The following SLC9A9 variants were observed in gnomAD, a reference collection of about 807,000 sequenced individuals.
SLC9A9 encodes solute carrier family 9 member A9.
A neutral mutation model predicts 77.8 loss-of-function variants in SLC9A9; 62 were observed. That is an observed-to-expected ratio of 0.80 (90% CI 0.65 to 0.98). The LOEUF is 0.98. Ranked by LOEUF, SLC9A9 falls within the 50% of genes least tolerant of loss-of-function variation. SLC9A9 has a pLI of 0.00. For missense variants in SLC9A9, 775 were observed against 774.9 expected, an observed-to-expected ratio of 1.00 and a Z score of 0.00; for synonymous variants, 320 against 283.5, an observed-to-expected ratio of 1.13 and a Z score of -1.29.
intron 4 of SLC9A9, among the ~76,000 whole-genome samples, chr3:143,704,351 A>T (rs6794012): frequency 5.9e-5 from 9 of 151,266 alleles, no homozygotes; most frequent in African/African-American, 2.2e-4. Context: ...TGAATTCAAT[A>T]ACGCACTGAA....
At chr3:143,821,448 C>G (rs1329169860) in intron 2 of SLC9A9, among the ~76,000 whole-genome samples, 1 of 152,192 alleles carries the variant, frequency 6.6e-6, no homozygotes, top group Non-Finnish European at 1.5e-5. Context: ...ACTTTATGCA[C>G]TTCGCCATGT....
At chr3:143,520,650 CA>C (rs1210599872) in intron 9 of SLC9A9, among the ~76,000 whole-genome samples, 1 of 152,172 alleles carries the variant, frequency 6.6e-6, no homozygotes, top group Non-Finnish European at 1.5e-5. Flanking sequence ...CCTCACTTTA[CA>C]GATGAGAAAA....
chr3:143,771,054 A>C (rs2007499582), intron 4 of SLC9A9, among the ~76,000 whole-genome samples: 1 of 152,208 alleles, frequency 6.6e-6, no homozygotes, highest in African/African-American at 2.4e-5. Context: ...CAGTAAGAGA[A>C]ATGTAAGTAA....
At chr3:143,771,013 G>A (rs560579596) in intron 4 of SLC9A9, among the ~76,000 whole-genome samples, 86 of 151,472 alleles carry the variant, frequency 5.7e-4, no homozygotes, top group African/African-American at 2.1e-3. Context: ...GGAACTTAAA[G>A]TAAAATAAAA....
chr3:143,608,906 T>G (rs949447116), intron 6 of SLC9A9, among the ~76,000 whole-genome samples: 1 of 152,208 alleles, frequency 6.6e-6, no homozygotes, highest in Non-Finnish European at 1.5e-5. Flanking sequence ...AAAAAGAATC[T>G]GAGTGATGAG....
chr3:143,671,586 T>C (rs1213865624), intron 5 of SLC9A9, among the ~76,000 whole-genome samples: 1 of 152,218 alleles, frequency 6.6e-6, no homozygotes, highest in African/African-American at 2.4e-5. Context: ...TTATTTTTAT[T>C]TCTGAGTAAA....
intron 14 of SLC9A9, among the ~76,000 whole-genome samples, chr3:143,341,127 C>T (rs2032084740): frequency 6.6e-6 from 1 of 152,136 alleles, no homozygotes; most frequent in Non-Finnish European, 1.5e-5. Context: ...ATGATGAATT[C>T]CTTTCGCTGG....
chr3:143,611,195 T>A (rs551387758), intron 6 of SLC9A9, among the ~76,000 whole-genome samples: 2 of 152,162 alleles, frequency 1.3e-5, no homozygotes, highest in African/African-American at 2.4e-5. Context: ...GTTGGGGAAA[T>A]CTTCCACAAA....
At chr3:143,418,937 C>T (rs2108525849) in intron 12 of SLC9A9, among the ~76,000 whole-genome samples, 1 of 152,166 alleles carries the variant, frequency 6.6e-6, no homozygotes. Context: ...ATGATTGTGC[C>T]AACTTTTCAT....
At chr3:143,381,971 C>T in intron 13 of SLC9A9, 89 bp downstream of exon 13, 1 of 1,472,314 alleles carries the variant, frequency 6.8e-7, no homozygotes. Context: ...AGAAATAGCT[C>T]CTTGGTCACA....
At chr3:143,463,539 T>C (rs1411736454) in intron 12 of SLC9A9, among the ~76,000 whole-genome samples, 1 of 152,204 alleles carries the variant, frequency 6.6e-6, no homozygotes, top group Non-Finnish European at 1.5e-5. Context: ...GCAGAGCTAG[T>C]CCTTGGAGAC....
chr3:143,423,229 A>G (rs1210126686), intron 12 of SLC9A9, among the ~76,000 whole-genome samples: 5 of 140,904 alleles, frequency 3.5e-5, no homozygotes, highest in Admixed American at 2.2e-4. Flanking sequence ...ACACACACAC[A>G]CGTGTACACA....
intron 12 of SLC9A9, among the ~76,000 whole-genome samples, chr3:143,433,439 T>G (rs1471861361): frequency 6.6e-6 from 1 of 152,178 alleles, no homozygotes; most frequent in Non-Finnish European, 1.5e-5. Context: ...TCAAGGAGAT[T>G]CATTACCCTG....
chr3:143,841,276 T>G (rs1415411823), intron 1 of SLC9A9, among the ~76,000 whole-genome samples: 1 of 152,116 alleles, frequency 6.6e-6, no homozygotes, highest in Non-Finnish European at 1.5e-5. Context: ...ACTGCTAAGG[T>G]TTGAGACCTA....
chr3:143,297,695 T>C (rs1012407543), intron 14 of SLC9A9, among the ~76,000 whole-genome samples: 3 of 152,266 alleles, frequency 2.0e-5, no homozygotes, highest in Non-Finnish European at 4.4e-5. Flanking sequence ...TTTTATAGTT[T>C]TCAATGTATA....
chr3:143,659,120 C>G (rs893328171), intron 5 of SLC9A9, among the ~76,000 whole-genome samples: 2 of 152,116 alleles, frequency 1.3e-5, no homozygotes, highest in African/African-American at 4.8e-5. Context: ...CAAGCATTTT[C>G]CAATTAGGAT....
At chr3:143,482,146 G>A (rs1277590309) in intron 11 of SLC9A9, among the ~76,000 whole-genome samples, 1 of 152,188 alleles carries the variant, frequency 6.6e-6, no homozygotes, top group African/African-American at 2.4e-5. Context: ...AGTAGCAATG[G>A]CAGCCTTTTC....
chr3:143,444,024 C>T (rs1362601598), intron 12 of SLC9A9, among the ~76,000 whole-genome samples: 2 of 152,140 alleles, frequency 1.3e-5, no homozygotes, highest in South Asian at 2.1e-4. Flanking sequence ...CCTTCACTCC[C>T]CCACGGCCAC....
chr3:143,392,482 G>C (rs1352492565), intron 12 of SLC9A9, among the ~76,000 whole-genome samples: 1 of 152,164 alleles, frequency 6.6e-6, no homozygotes. Flanking sequence ...ACTGGTACCA[G>C]CCACTGCAAA....
Sources: gnomAD v4.1 joint callset for allele counts (sites outside exome capture counted in the v4.1 genomes callset) on GRCh38, gnomAD v4.1.1 for gene constraint, MANE v1.5 for transcripts, NCBI Gene and HGNC (gene_info 2026-07-23, HGNC 2026-07-21) for gene names.